The following SEMA6A variants were observed in gnomAD, a reference collection of about 807,000 sequenced individuals.
SEMA6A encodes semaphorin 6A.
In SEMA6A, 25 loss-of-function variants were observed where a neutral mutation model predicts 96.8. The observed-to-expected ratio is 0.26, with a 90% CI of 0.19 to 0.36. SEMA6A has a LOEUF of 0.36. SEMA6A is among the 10% of genes least tolerant of loss of function. SEMA6A has a pLI of 1.00. For synonymous variants in SEMA6A, 612 were observed against 518.0 expected (o/e 1.18, Z -2.46); for missense variants, 1,363 against 1,323.1 (o/e 1.03, Z -0.47).
rs1014644 is a variant in SEMA6A at position 116,494,795 on chromosome 5, A to T, written c.444+618T>A. Among the ~76,000 whole-genome samples, 1,113 of 152,284 alleles carry T rather than the reference A, an allele frequency of 7.3e-3. 6 individuals are homozygous for T. The highest frequency in any genetic ancestry group is 0.019 in the Admixed American group (290 of 15,294). On this transcript the variant is annotated intron_variant, in intron 6 of 18. Coordinates refer to ENST00000343348, the MANE Select transcript of SEMA6A (RefSeq NM_020796.5). Reference sequence around the variant, plus strand: ...AACAGTGGTGCAGCCAAGACCTCAGATCACTGCCACCTCTGCTTCCAGGCC... The same window carrying T: ...AACAGTGGTGCAGCCAAGACCTCAGTTCACTGCCACCTCTGCTTCCAGGCC...
At chr5:116,568,498 A>G (rs1580527483) in intron 1 of SEMA6A, among the ~76,000 whole-genome samples, 2 of 152,212 alleles carry the variant, frequency 1.3e-5, no homozygotes, top group African/African-American at 4.8e-5. Context: ...TAAAACTACT[A>G]TTAGCAAACT....
At chr5:116,461,807 A>T (rs903206044) in intron 18 of SEMA6A, among the ~76,000 whole-genome samples, 1 of 152,126 alleles carries the variant, frequency 6.6e-6, no homozygotes, top group Admixed American at 6.5e-5. Flanking sequence ...CCTGTGTTCC[A>T]TCTGTCTGGT....
At position 116,538,414 on chromosome 5, in the gene SEMA6A, T is replaced by C. The variant is rs184693889; in HGVS notation, c.-38-33432A>G. Among the ~76,000 whole-genome samples, 18 of 152,326 alleles carry C rather than the reference T, an allele frequency of 1.2e-4. No individual in the cohort carries two copies. The East Asian group carries it at 3.5e-3, about 29-fold the overall frequency. ...AGCAGTGGGTGTCCTCAACTTGGAC[T>C]GCCAGGACACAACACCACTTTCTGT... On this transcript the variant is annotated intron_variant, in intron 1 of 18. Transcript: ENST00000343348.
In SEMA6A at chr5:116,537,695, T is replaced by A. The variant is rs150026415; in HGVS notation, c.-38-32713A>T. ...TGACTACGCTTATTGCCATTAGGAG[T>A]AGCCATAAAGGTGGTATTTTCATCT... is the stretch of plus-strand genomic sequence containing the variant. On this transcript the variant is annotated intron_variant, in intron 1 of 18. Transcript: ENST00000343348. Among the ~76,000 whole-genome samples the A allele has an allele frequency of 1.9e-3, 283 of 151,914 alleles. 2 individuals are homozygous for A. Among genetic ancestry groups the A allele is most frequent in the African/African-American group, 6.3e-3 (260 of 41,380 alleles).
intron 1 of SEMA6A, among the ~76,000 whole-genome samples, chr5:116,506,934 T>C (rs1758168919): frequency 6.6e-6 from 1 of 152,210 alleles, no homozygotes; most frequent in South Asian, 2.1e-4. Flanking sequence ...AAATGTCCTA[T>C]AAGCTAACAA....
In SEMA6A at chr5:116,447,807, C is replaced by T. The variant is rs369263419; in HGVS notation, c.1899G>A (p.Val633=). The change falls in exon 19 of 19, where the codon GTG becomes GTA. Residue 633 remains valine, a synonymous_variant. Transcript: ENST00000343348. The part of the protein sequence containing the change: ...SSHNHQDKKG[V]IRESYLKGHD... ...GGCCTTTGAGGTAACTTTCCCGAATCACTCCTGCAATAGACATCGCATATG... is the reference window on the plus strand; with the variant it reads ...GGCCTTTGAGGTAACTTTCCCGAATTACTCCTGCAATAGACATCGCATATG... 2 of 1,593,498 alleles carry T rather than the reference C, an allele frequency of 1.3e-6. No homozygotes were observed. Among genetic ancestry groups the T allele is most frequent in the Admixed American group, 1.7e-5 (1 of 58,886 alleles).
chr5:116,446,898 T>C lies in SEMA6A; in HGVS notation c.2808A>G (p.Arg936=). 1 of 1,613,928 alleles carries C rather than the reference T, an allele frequency of 6.2e-7. No homozygotes were observed. The highest frequency in any genetic ancestry group is 8.5e-7 in the Non-Finnish European group (1 of 1,179,872). Residue 936 remains arginine, a synonymous_variant, in exon 19 of 19, where the codon AGA becomes AGG. Coordinates refer to ENST00000343348, the MANE Select transcript of SEMA6A (RefSeq NM_020796.5). ...TRSHQATTLK[R]NNTNSSNSSH... is the part of the protein sequence containing the mutation. ...AGGAATTGGAGGAGTTAGTGTTGTTTCTTTTGAGAGTGGTGGCCTGGTGGC... is the reference window on the plus strand; with the variant it reads ...AGGAATTGGAGGAGTTAGTGTTGTTCCTTTTGAGAGTGGTGGCCTGGTGGC...
intron 1 of SEMA6A, among the ~76,000 whole-genome samples, chr5:116,538,494 T>G (rs574692217): frequency 6.6e-6 from 1 of 152,316 alleles, no homozygotes; most frequent in Admixed American, 6.5e-5. Context: ...TAATGAATTA[T>G]TTTCAGGTCC....
chr5:116,514,100 T>A (rs1260733989), intron 1 of SEMA6A, among the ~76,000 whole-genome samples: 1 of 152,218 alleles, frequency 6.6e-6, no homozygotes, highest in Non-Finnish European at 1.5e-5. Context: ...AACATATACG[T>A]GCATGTGTCT....
chr5:116,444,458 G>A lies in SEMA6A; in HGVS notation c.*2155C>T, dbSNP rs1435462488. 6.6e-6 allele frequency: 1 copy of A among 152,108 alleles called. No homozygotes were observed. The highest frequency in any genetic ancestry group is 1.5e-5 in the Non-Finnish European group (1 of 67,966). 9.4% of individuals were successfully genotyped at this position (152,108 alleles called of 1,614,324 possible). A position where few individuals can be genotyped will look rare whatever the true frequency, so the allele number is the denominator to read the frequency against. On this transcript the variant is annotated 3_prime_UTR_variant, in exon 19 of 19. Coordinates refer to ENST00000343348, the MANE Select transcript of SEMA6A (RefSeq NM_020796.5). ...AAGACAAAACTAAACCCAGAAGATC[G>A]AACTGGAAATAAAAGCAGACAAAGA...
chr5:116,572,497 A>ACAC (rs1211310576), intron 1 of SEMA6A, among the ~76,000 whole-genome samples: 3 of 152,114 alleles, frequency 2.0e-5, no homozygotes, highest in Non-Finnish European at 4.4e-5. Context: ...CGCTCCACGC[A>ACAC]CACCTGGCTC....
intron 18 of SEMA6A, among the ~76,000 whole-genome samples, chr5:116,464,809 A>G (rs1162464484): frequency 6.6e-6 from 1 of 152,214 alleles, no homozygotes; most frequent in Non-Finnish European, 1.5e-5. Context: ...TGGAGGATGA[A>G]GTGGACAAAG....
intron 18 of SEMA6A, among the ~76,000 whole-genome samples, chr5:116,463,323 A>G (rs1282016554): frequency 6.6e-6 from 1 of 152,204 alleles, no homozygotes; most frequent in Non-Finnish European, 1.5e-5. Flanking sequence ...GTAAGGTGCT[A>G]CTCATCTCCC....
Position 116,522,368 on chromosome 5 carries a change from AAG to A in SEMA6A, c.-38-17388_-38-17387del, listed in dbSNP as rs1373384938. ...AGTTCCCACTAAACTAGAAAGAAAAAAGGATTTTTCCCAGGATCCCGTCTCTT... is the reference window on the plus strand; with the variant it reads ...AGTTCCCACTAAACTAGAAAGAAAAAGATTTTTCCCAGGATCCCGTCTCTT... On this transcript the variant is annotated intron_variant, in intron 1 of 18. Coordinates refer to ENST00000343348, the MANE Select transcript of SEMA6A (RefSeq NM_020796.5). Among the ~76,000 whole-genome samples, 3 of 152,166 alleles carry A rather than the reference AAG, an allele frequency of 2.0e-5. No individual in the cohort carries two copies. In the East Asian group the frequency reaches 5.8e-4, roughly 29 times the overall value.
At chr5:116,468,257 T>C (rs1040823964) in intron 17 of SEMA6A, 1 of 153,764 alleles carries the variant, frequency 6.5e-6, no homozygotes, top group Non-Finnish European at 1.4e-5. Context: ...CACAAGTAAC[T>C]CAGTTACTCT....
intron 1 of SEMA6A, among the ~76,000 whole-genome samples, chr5:116,557,865 C>T (rs1325577469): frequency 6.6e-6 from 1 of 152,184 alleles, no homozygotes; most frequent in Non-Finnish European, 1.5e-5. Context: ...GATTCAGTAA[C>T]ACTAGAGGGC....
At chr5:116,554,890 AT>A (rs1364140254) in intron 1 of SEMA6A, 1 of 152,112 alleles carries the variant, frequency 6.6e-6, no homozygotes, top group African/African-American at 2.4e-5. Flanking sequence ...TTCCTGCCTT[AT>A]TTGTTGAGAT....
At chr5:116,489,727 A>T (rs1757242131) in intron 7 of SEMA6A, among the ~76,000 whole-genome samples, 1 of 152,224 alleles carries the variant, frequency 6.6e-6, no homozygotes, top group African/African-American at 2.4e-5. Context: ...TTAGTAATTC[A>T]TGCTTTGGGG....
chr5:116,568,872 CACAT>C (rs773756867), intron 1 of SEMA6A, among the ~76,000 whole-genome samples: 35 of 152,300 alleles, frequency 2.3e-4, no homozygotes, highest in Admixed American at 7.8e-4. Flanking sequence ...TACACACACA[CACAT>C]GCATGCATGA....
Sources: gnomAD v4.1 joint callset for allele counts (sites outside exome capture counted in the v4.1 genomes callset) on GRCh38, gnomAD v4.1.1 for gene constraint, MANE v1.5 for transcripts, NCBI Gene and HGNC (gene_info 2026-07-23, HGNC 2026-07-21) for gene names.